Variants in GALNTL6 observed in about 807,000 individuals in gnomAD.
GALNTL6 encodes polypeptide N-acetylgalactosaminyltransferase like 6, also known as polypeptide N-acetylgalactosaminyltransferase-like 6.
In GALNTL6, 46 loss-of-function variants were observed where a neutral mutation model predicts 73.7. The observed-to-expected ratio is 0.62, with a 90% CI of 0.49 to 0.80. The LOEUF (loss-of-function observed/expected upper bound fraction) is 0.80, where lower values mean the gene tolerates loss of function less well. GALNTL6 is among the 30% of genes least tolerant of loss of function. The pLI is 0.00. For missense variants in GALNTL6, 604 were observed against 755.0 expected, an observed-to-expected ratio of 0.80 and a Z score of 2.34; for synonymous variants, 259 against 263.7, an observed-to-expected ratio of 0.98 and a Z score of 0.17.
chr4:172,254,253 T>C (rs1474977674), intron 3 of GALNTL6, among the ~76,000 whole-genome samples: 4 of 151,766 alleles, frequency 2.6e-5, no homozygotes, highest in Non-Finnish European at 5.9e-5. Context: ...GTGCCAAAAT[T>C]AGAACAACTC....
intron 5 of GALNTL6, among the ~76,000 whole-genome samples, chr4:172,769,212 A>G (rs1195245336): frequency 1.3e-5 from 2 of 152,128 alleles, no homozygotes; most frequent in African/African-American, 4.8e-5. Flanking sequence ...GAGTAGCACA[A>G]TCAAGGCAGT....
rs1039740303 is a variant in GALNTL6, at chr4:172,042,101, T to C, written c.139-187555T>C. ...TCCTCAGCCATTCAATTAATAGCACTGATACCCTGAACATTTTAGGTAAAG... is the reference window on the plus strand; with the variant it reads ...TCCTCAGCCATTCAATTAATAGCACCGATACCCTGAACATTTTAGGTAAAG... On this transcript the variant is annotated intron_variant, in intron 2 of 12. Coordinates refer to ENST00000506823, the MANE Select transcript of GALNTL6 (RefSeq NM_001034845.3). Among the ~76,000 whole-genome samples, 2 of 152,058 alleles carry C rather than the reference T, an allele frequency of 1.3e-5. 1 individual carries two copies. The highest frequency in any genetic ancestry group is 2.9e-5 in the Non-Finnish European group (2 of 67,960).
rs372426174 is a variant in GALNTL6 at position 172,401,521 on chromosome 4, C to A, written c.553+52832C>A. 5.9e-5 allele frequency among the ~76,000 whole-genome samples: 9 copies of A among 152,160 alleles called. No individual in the cohort carries two copies. In the East Asian group the frequency reaches 1.4e-3, roughly 23 times the overall value. On this transcript the variant is annotated intron_variant, in intron 5 of 12. Transcript: ENST00000506823. ...TTATGTCTCACCATAAAAAATTTCC[C>A]AGTCACTGCAAATATTTTTAAATTA...
At chr4:171,947,211 T>C (rs72696976) in intron 2 of GALNTL6, among the ~76,000 whole-genome samples, 48 of 152,262 alleles carry the variant, frequency 3.2e-4, no homozygotes, top group Non-Finnish European at 5.4e-4. Context: ...TTCACCTCTT[T>C]TGCTTTCTCC....
At chr4:173,002,061 T>A (rs1450208556) in intron 10 of GALNTL6, among the ~76,000 whole-genome samples, 2 of 152,218 alleles carry the variant, frequency 1.3e-5, no homozygotes. Flanking sequence ...GATATTTACA[T>A]GCCAGTGTTC....
At chr4:172,211,098 G>GTTTATTTAA (rs1736308029) in intron 2 of GALNTL6, among the ~76,000 whole-genome samples, 2 of 151,932 alleles carry the variant, frequency 1.3e-5, no homozygotes, top group Non-Finnish European at 1.5e-5. Context: ...TTTAATTGTT[G>GTTTATTTAA]GTGGTCTTAT....
Position 172,311,670 on chromosome 4 carries a change from G to A in GALNTL6, c.304G>A (p.Ala102Thr). 6.2e-7 allele frequency: 1 copy of A among 1,612,006 alleles called. No homozygotes were observed. The highest frequency in any genetic ancestry group is 1.1e-5 in the South Asian group (1 of 90,916). ...TACTGAAGAGGACCATGATGACTCA[G>A]CTTACAGGGAAAATGGTTTTAATAT... ...PLTEEDHDDSAYRENGFNIFV... is the reference protein window; with the variant it reads ...PLTEEDHDDSTYRENGFNIFV... Residue 102 changes from alanine to threonine, a missense_variant, in exon 4 of 13, where the codon GCT becomes ACT. Physicochemically the swap from Ala to Thr is moderately conservative, Grantham distance 58. Coordinates refer to ENST00000506823, the MANE Select transcript of GALNTL6 (RefSeq NM_001034845.3).
chr4:172,847,670 G>T (rs188627528), intron 7 of GALNTL6, among the ~76,000 whole-genome samples: 1 of 152,244 alleles, frequency 6.6e-6, no homozygotes, highest in Non-Finnish European at 1.5e-5. Context: ...TAGGAATTGG[G>T]TGAGCAAATG....
intron 5 of GALNTL6, among the ~76,000 whole-genome samples, chr4:172,444,371 A>C (rs1335235482): frequency 6.6e-6 from 1 of 152,056 alleles, no homozygotes; most frequent in Non-Finnish European, 1.5e-5. Context: ...CTTGTTTCCA[A>C]CTCTTTGCTA....
At chr4:172,843,554 G>A (rs1437539989) in intron 7 of GALNTL6, among the ~76,000 whole-genome samples, 2 of 152,110 alleles carry the variant, frequency 1.3e-5, no homozygotes, top group Admixed American at 1.3e-4. Context: ...TGAAAGTCAG[G>A]TTCACCCATA....
intron 2 of GALNTL6, among the ~76,000 whole-genome samples, chr4:171,977,414 C>A (rs950531528): frequency 6.6e-6 from 1 of 152,142 alleles, no homozygotes; most frequent in African/African-American, 2.4e-5. Flanking sequence ...TTTCACAGTT[C>A]TGTAGGTTAG....
At chr4:172,495,146 C>G (rs1022104436) in intron 5 of GALNTL6, among the ~76,000 whole-genome samples, 1 of 152,010 alleles carries the variant, frequency 6.6e-6, no homozygotes. Flanking sequence ...TACAGTATAA[C>G]AAATTAAGCA....
intron 2 of GALNTL6, among the ~76,000 whole-genome samples, chr4:172,077,660 C>G (rs1358833900): frequency 6.6e-6 from 1 of 151,956 alleles, no homozygotes; most frequent in African/African-American, 2.4e-5. Context: ...AGGGAAACAG[C>G]ATAAAAGTTT....
chr4:172,077,589 A>G (rs933934233), intron 2 of GALNTL6, among the ~76,000 whole-genome samples: 1 of 152,184 alleles, frequency 6.6e-6, no homozygotes, highest in African/African-American at 2.4e-5. Flanking sequence ...AGCTGTTTCT[A>G]AAAGAGTATA....
intron 5 of GALNTL6, among the ~76,000 whole-genome samples, chr4:172,754,046 T>C (rs1737592747): frequency 1.3e-5 from 2 of 152,230 alleles, no homozygotes; most frequent in African/African-American, 2.4e-5. Flanking sequence ...AGGAAAATTA[T>C]ACTTTTTACA....
At position 172,168,342 on chromosome 4, in the gene GALNTL6, C is replaced by A. The variant is rs551543298; in HGVS notation, c.139-61314C>A. Among the ~76,000 whole-genome samples, 3 of 152,252 alleles carry A rather than the reference C, an allele frequency of 2.0e-5. No homozygotes were observed. In the South Asian group the frequency reaches 6.2e-4, roughly 32 times the overall value. ...CTGTTGCCAGGCTGGAGTGCAGTGG[C>A]AAAATCTCTGCTCACTGTAATCTCC... On this transcript the variant is annotated intron_variant, in intron 2 of 12. Transcript: ENST00000506823.
intron 5 of GALNTL6, among the ~76,000 whole-genome samples, chr4:172,455,189 A>G (rs1027750187): frequency 1.3e-5 from 2 of 152,090 alleles, no homozygotes; most frequent in Non-Finnish European, 2.9e-5. Context: ...CAGCTACTAC[A>G]CTTTTCTGAT....
intron 10 of GALNTL6, among the ~76,000 whole-genome samples, chr4:172,993,245 G>T (rs1466862236): frequency 6.6e-6 from 1 of 152,184 alleles, no homozygotes; most frequent in Non-Finnish European, 1.5e-5. Context: ...CACCAGGGAT[G>T]TGTGCACACA....
At chr4:171,838,866 A>T (rs77636040) in intron 2 of GALNTL6, among the ~76,000 whole-genome samples, 4 of 152,196 alleles carry the variant, frequency 2.6e-5, no homozygotes, top group Non-Finnish European at 5.9e-5. Flanking sequence ...TAAAGGAAAC[A>T]CAAGGACGGT....
Sources: gnomAD v4.1 joint callset for allele counts (sites outside exome capture counted in the v4.1 genomes callset) on GRCh38, gnomAD v4.1.1 for gene constraint, MANE v1.5 for transcripts, NCBI Gene and HGNC (gene_info 2026-07-23, HGNC 2026-07-21) for gene names.